The following KHDRBS3 variants were observed in gnomAD, a reference collection of about 807,000 sequenced individuals.
The protein encoded by KHDRBS3 is KH domain-containing, RNA-binding, signal transduction-associated protein 3.
Under a neutral mutation model 45.6 loss-of-function variants are expected in KHDRBS3, and 23 were observed. That is an observed-to-expected ratio of 0.50 (90% CI 0.36 to 0.72). The LOEUF (loss-of-function observed/expected upper bound fraction) is 0.72. Ranked by LOEUF, KHDRBS3 falls within the 30% of genes least tolerant of loss-of-function variation. The pLI is 0.00. For synonymous variants in KHDRBS3, 162 were observed against 156.5 expected, an observed-to-expected ratio of 1.04 and a Z score of -0.26; for missense variants, 352 against 424.8, an observed-to-expected ratio of 0.83 and a Z score of 1.51.
intron 2 of KHDRBS3, among the ~76,000 whole-genome samples, chr8:135,527,166 T>C: frequency 6.6e-6 from 1 of 152,194 alleles, no homozygotes; most frequent in East Asian, 1.9e-4. Context: ...GAGCCAGACA[T>C]TGTTCTGGGA....
intron 1 of KHDRBS3, among the ~76,000 whole-genome samples, chr8:135,492,516 C>CATATATATATATATATATATATATAT (rs3029812): frequency 6.9e-6 from 1 of 145,856 alleles, no homozygotes; most frequent in African/African-American, 2.5e-5. Context: ...TATATATATA[C>CATATATATATATATATATATATATAT]ATATATATAT....
At chr8:135,539,572 C>T (rs923989768) in intron 2 of KHDRBS3, 1 of 152,228 alleles carries the variant, frequency 6.6e-6, no homozygotes, top group African/African-American at 2.4e-5. Context: ...ACTAATTTGG[C>T]ATCAAGTATA....
At chr8:135,490,708 G>A (rs1483363830) in intron 1 of KHDRBS3, among the ~76,000 whole-genome samples, 1 of 152,204 alleles carries the variant, frequency 6.6e-6, no homozygotes, top group Non-Finnish European at 1.5e-5. Flanking sequence ...TCTGTAGGTA[G>A]TGTAGAATAT....
chr8:135,478,133 C>T (rs767275168), intron 1 of KHDRBS3, among the ~76,000 whole-genome samples: 3 of 152,110 alleles, frequency 2.0e-5, no homozygotes, highest in Non-Finnish European at 4.4e-5. Context: ...TAAAACTGGT[C>T]CCTGACACCA....
At position 135,617,633 on chromosome 8, in the gene KHDRBS3, G is replaced by A. The variant is rs146008159; in HGVS notation, c.890+10596G>A. The stretch of plus-strand genomic sequence containing the variant: ...ATGAGGAAATTGTGGCACAGAGACC[G>A]TGGAACTTCCCTGAACTCATGGAGA... On this transcript the variant is annotated intron_variant, in intron 7 of 8. Coordinates refer to ENST00000355849, the MANE Select transcript of KHDRBS3 (RefSeq NM_006558.3). 9.9e-5 allele frequency among the ~76,000 whole-genome samples: 15 copies of A among 152,284 alleles called. No homozygotes were observed. The East Asian group carries it at 1.3e-3, about 14-fold the overall frequency.
In KHDRBS3 at chr8:135,457,944, G is replaced by A. The variant is rs764520283; in HGVS notation, c.78G>A (p.Leu26=). The change falls in exon 1 of 9, where the codon CTG becomes CTA. Residue 26 remains leucine, a synonymous_variant. Transcript: ENST00000355849. The surrounding 1 kb of genome is among the most constrained non-coding windows in gnomAD (Gnocchi z 4.4). ...LDPSFTHALR[L]VNQEIEKFQK... is the part of the protein sequence containing the mutation. ...CCTCCTTCACGCACGCCCTGCGCCT[G>A]GTGAACCAAGGTGAGGCGCCGGCCG... is the stretch of plus-strand genomic sequence containing the variant. The A allele has an allele frequency of 2.5e-5, 40 of 1,595,362 alleles. 1 individual carries two copies. In the Middle Eastern group the frequency reaches 8.4e-4, roughly 33 times the overall value.
intron 1 of KHDRBS3, among the ~76,000 whole-genome samples, chr8:135,465,743 A>G (rs1014024590): frequency 5.3e-5 from 8 of 152,220 alleles, no homozygotes; most frequent in African/African-American, 1.9e-4. Context: ...ATAATTTTTT[A>G]CATTTCCATA....
chr8:135,649,268 T>G (rs1464345759), downstream of KHDRBS3, among the ~76,000 whole-genome samples: 2 of 152,186 alleles, frequency 1.3e-5, no homozygotes. Context: ...TGTTTGTATT[T>G]GAGCTCTGCC....
chr8:135,561,011 A>G (rs777883599), intron 5 of KHDRBS3, among the ~76,000 whole-genome samples: 1 of 152,162 alleles, frequency 6.6e-6, no homozygotes, highest in Non-Finnish European at 1.5e-5. Flanking sequence ...CTACAGTACA[A>G]TGTTTATATT....
At chr8:135,477,805 C>G (rs904821147) in intron 1 of KHDRBS3, among the ~76,000 whole-genome samples, 1 of 152,192 alleles carries the variant, frequency 6.6e-6, no homozygotes, top group African/African-American at 2.4e-5. Flanking sequence ...ATAGGAGTAT[C>G]ACAACCAAAC....
intron 7 of KHDRBS3, 55 bp from the exon 8 acceptor site, chr8:135,645,004 G>A: frequency 3.8e-6 from 6 of 1,575,236 alleles, no homozygotes; most frequent in Non-Finnish European, 4.3e-6. Flanking sequence ...ATTGAATACT[G>A]TTGAAACTCA....
intron 1 of KHDRBS3, among the ~76,000 whole-genome samples, chr8:135,480,846 A>G (rs749000223): frequency 2.0e-5 from 3 of 152,130 alleles, no homozygotes; most frequent in Non-Finnish European, 4.4e-5. Context: ...TTCATGTTAC[A>G]TATGTCATCA....
At chr8:135,520,460 A>T (rs780083689) in intron 1 of KHDRBS3, among the ~76,000 whole-genome samples, 3 of 152,216 alleles carry the variant, frequency 2.0e-5, no homozygotes, top group Non-Finnish European at 4.4e-5. Context: ...AGAGTGAATA[A>T]ATAGATTTTT....
intron 7 of KHDRBS3, among the ~76,000 whole-genome samples, chr8:135,628,320 T>TG (rs1435049486): frequency 6.6e-6 from 1 of 152,114 alleles, no homozygotes; most frequent in Non-Finnish European, 1.5e-5. Flanking sequence ...CAGCATATAG[T>TG]GGGTGCTCTG....
chr8:135,588,545 C>T (rs566993721), intron 6 of KHDRBS3, among the ~76,000 whole-genome samples: 2 of 152,262 alleles, frequency 1.3e-5, no homozygotes, highest in East Asian at 3.9e-4. Flanking sequence ...AAGTTTCAAC[C>T]CTTTAATCAC....
chr8:135,609,191 G>A (rs1829605392), intron 7 of KHDRBS3, among the ~76,000 whole-genome samples: 1 of 151,820 alleles, frequency 6.6e-6, no homozygotes, highest in African/African-American at 2.4e-5. Context: ...ATTAATTTTT[G>A]ACTCTTGTAA....
chr8:135,464,489 C>G (rs1325274650), intron 1 of KHDRBS3, among the ~76,000 whole-genome samples: 1 of 152,128 alleles, frequency 6.6e-6, no homozygotes, highest in Non-Finnish European at 1.5e-5. Flanking sequence ...ATCACAAAAA[C>G]AGTCGAGAGT....
intron 1 of KHDRBS3, among the ~76,000 whole-genome samples, chr8:135,473,214 G>A (rs890156862): frequency 1.3e-5 from 2 of 152,038 alleles, no homozygotes; most frequent in Non-Finnish European, 2.9e-5. Context: ...AGGCTCCTCC[G>A]TCCGGAAAGC....
intron 7 of KHDRBS3, among the ~76,000 whole-genome samples, chr8:135,614,858 C>G (rs1459394891): frequency 3.3e-5 from 5 of 151,848 alleles, no homozygotes; most frequent in Non-Finnish European, 5.9e-5. Context: ...GACCACTGCA[C>G]TGGGACTTTG....
Sources: allele counts gnomAD v4.1 joint callset (sites outside exome capture counted in the v4.1 genomes callset), GRCh38; gene constraint gnomAD v4.1.1; non-coding constraint Gnocchi (gnomAD v3.1); transcripts MANE v1.5; gene names NCBI Gene and HGNC (gene_info 2026-07-23, HGNC 2026-07-21).